KDF1: variants seen among roughly 807,000 people sequenced by gnomAD.
KDF1 encodes keratinocyte differentiation factor 1.
A neutral mutation model predicts 31.6 loss-of-function variants in KDF1; 11 were observed. That is an observed-to-expected ratio of 0.35 (90% CI 0.22 to 0.58). KDF1 has a LOEUF of 0.58. Ranked by LOEUF, KDF1 falls within the 20% of genes least tolerant of loss-of-function variation. KDF1 has a pLI of 0.83. For missense variants in KDF1, 476 were observed against 549.1 expected, an observed-to-expected ratio of 0.87 and a Z score of 1.33; for synonymous variants, 205 against 214.4, an observed-to-expected ratio of 0.96 and a Z score of 0.38.
chr1:26,959,614 G>C (rs981155283), intron 1 of KDF1, among the ~76,000 whole-genome samples: 6 of 151,962 alleles, frequency 3.9e-5, no homozygotes, highest in African/African-American at 1.4e-4. Context: ...GGGGTCAGAG[G>C]GTCCCGGCCC....
At chr1:26,958,745 C>T (rs1170522338) in intron 1 of KDF1, among the ~76,000 whole-genome samples, 1 of 152,222 alleles carries the variant, frequency 6.6e-6, no homozygotes, top group African/African-American at 2.4e-5. Flanking sequence ...AAGCTGCCAG[C>T]TCCATGGACC....
chr1:26,950,650 C>T lies in KDF1; in HGVS notation c.1114+32G>A, dbSNP rs1453308248. ...AGGGGCCCCTAGGGTAGTCCCCCAC[C>T]CTCCACACCCCTCATTAGGTCAAGA... is the stretch of plus-strand genomic sequence containing the variant. On this transcript the variant is annotated intron_variant, in intron 3 of 3. Coordinates refer to ENST00000320567, the MANE Select transcript of KDF1 (RefSeq NM_152365.3). This position sits in a 1 kb window ranked among gnomAD's most constrained non-coding sequence, Gnocchi z 4.0. 6.3e-6 allele frequency: 10 copies of T among 1,595,292 alleles called. No homozygotes were observed. The highest frequency in any genetic ancestry group is 8.6e-6 in the Non-Finnish European group (10 of 1,163,368).
rs1418605992 is a variant in KDF1 at position 26,949,782 on chromosome 1, A to G, written c.*287T>C. 5 of 363,508 alleles carry G rather than the reference A, an allele frequency of 1.4e-5. No individual in the cohort carries two copies. Among genetic ancestry groups the G allele is most frequent in the African/African-American group, 4.2e-5 (2 of 47,738 alleles). The allele number at this position is 363,508 out of a possible 1,614,324, so 22.5% of individuals were successfully genotyped here. A position where few individuals can be genotyped will look rare whatever the true frequency, so the allele number is the denominator to read the frequency against. On this transcript the variant is annotated 3_prime_UTR_variant, in exon 4 of 4. Transcript: ENST00000320567. The stretch of plus-strand genomic sequence containing the variant: ...GGATGGAGTCAGGGTTCACTCCCAG[A>G]AGGTAATGCCTAACTCCTTACTTTC...
chr1:26,950,769 C>A lies in KDF1; in HGVS notation c.1040-13G>T. 6.2e-7 allele frequency: 1 copy of A among 1,613,144 alleles called. No homozygotes were observed. The highest frequency in any genetic ancestry group is 1.1e-5 in the South Asian group (1 of 91,064). ...TGCACTGTCAGCTCTAGGGAGGGAA[C>A]GTGAGGCAAGCAGTGGTCATTAGCA... On this transcript the variant is annotated splice_polypyrimidine_tract_variant and intron_variant, in intron 2 of 3. Transcript: ENST00000320567. The surrounding 1 kb of genome is among the most constrained non-coding windows in gnomAD (Gnocchi z 4.0).
intron 1 of KDF1, among the ~76,000 whole-genome samples, chr1:26,955,339 C>T (rs887349434): frequency 6.6e-6 from 1 of 152,090 alleles, no homozygotes; most frequent in Non-Finnish European, 1.5e-5. Flanking sequence ...ATACCTTTTT[C>T]CCTCTCCTGG....
chr1:26,951,483 C>A lies in KDF1; in HGVS notation c.898G>T (p.Gly300Cys). The change falls in exon 2 of 4, where the codon GGC becomes TGC. Residue 300 changes from glycine to cysteine, a missense_variant. Transcript: ENST00000320567. This position sits in a 1 kb window ranked among gnomAD's most constrained non-coding sequence, Gnocchi z 5.4. ...EQDAEGRLVR[G>C]IIRISTRKSR... ...TTTCGGGTACTAATGCGAATGATGCCGCGTACCAGGCGGCCCTCAGCATCC... is the reference window on the plus strand; with the variant it reads ...TTTCGGGTACTAATGCGAATGATGCAGCGTACCAGGCGGCCCTCAGCATCC... 1.2e-6 allele frequency: 2 copies of A among 1,613,744 alleles called. No individual in the cohort carries two copies. The highest frequency in any genetic ancestry group is 1.7e-6 in the Non-Finnish European group (2 of 1,179,754).
At position 26,951,421 on chromosome 1, in the gene KDF1, T is replaced by C. The variant is rs1354581011; in HGVS notation, c.960A>G (p.Ser320=). 7 of 1,612,074 alleles carry C rather than the reference T, an allele frequency of 4.3e-6. No homozygotes were observed. The highest frequency in any genetic ancestry group is 5.9e-6 in the Non-Finnish European group (7 of 1,178,938). ...RARPQTSEGR[S]TRAAAPTAAA... is the part of the protein sequence containing the mutation. ...CAGCGGTTGGGGCAGCAGCCCGAGTTGAACGACCCTCCGAGGTCTGTGGGC... is the reference window on the plus strand; with the variant it reads ...CAGCGGTTGGGGCAGCAGCCCGAGTCGAACGACCCTCCGAGGTCTGTGGGC... Residue 320 remains serine, a synonymous_variant, in exon 2 of 4, where the codon TCA becomes TCG. Transcript: ENST00000320567. The surrounding 1 kb of genome is among the most constrained non-coding windows in gnomAD (Gnocchi z 5.4).
intron 1 of KDF1, among the ~76,000 whole-genome samples, chr1:26,957,182 G>A (rs978331875): frequency 6.6e-6 from 1 of 152,108 alleles, no homozygotes. Flanking sequence ...GTGATCTCCT[G>A]CCCTGGCCTC....
chr1:26,952,016 G>A lies in KDF1; in HGVS notation c.365C>T (p.Thr122Ile). ...CLSTEDSTEGTAEANWAKEHN... is the reference protein window; with the variant it reads ...CLSTEDSTEGIAEANWAKEHN... ...CTCCTTGGCCCAGTTGGCTTCAGCA[G>A]TCCCCTCAGTGGAGTCCTCAGTAGA... is the stretch of plus-strand genomic sequence containing the variant. The change falls in exon 2 of 4, where the codon ACT becomes ATT. Residue 122 changes from threonine (T) to isoleucine (I), a missense_variant. Physicochemically the swap from Thr to Ile is moderately conservative, Grantham distance 89. Transcript: ENST00000320567. This position sits in a 1 kb window ranked among gnomAD's most constrained non-coding sequence, Gnocchi z 4.1. The A allele has an allele frequency of 1.2e-6, 2 of 1,613,206 alleles. No homozygotes were observed. The highest frequency in any genetic ancestry group is 2.2e-5 in the South Asian group (2 of 91,068).
rs959887827 is a variant in KDF1 at position 26,950,915 on chromosome 1, G to A, written c.1040-159C>T. Among the ~76,000 whole-genome samples, 5 of 152,208 alleles carry A rather than the reference G, an allele frequency of 3.3e-5. No homozygotes were observed. Among genetic ancestry groups the A allele is most frequent in the South Asian group, 2.1e-4 (1 of 4,828 alleles). ...AGAGACATAGACAACGTGTGCATGC[G>A]CAGAGTGATGGATGAGTGGGAGTTT... On this transcript the variant is annotated intron_variant, in intron 2 of 3. Coordinates refer to ENST00000320567, the MANE Select transcript of KDF1 (RefSeq NM_152365.3). This position sits in a 1 kb window ranked among gnomAD's most constrained non-coding sequence, Gnocchi z 4.0.
intron 1 of KDF1, among the ~76,000 whole-genome samples, chr1:26,954,200 AAT>A: frequency 6.6e-6 from 1 of 151,870 alleles, no homozygotes; most frequent in East Asian, 1.9e-4. Context: ...ATGATGCTTA[AAT>A]ATGGGAATGA....
rs749842745 is a variant in KDF1 at position 26,952,037 on chromosome 1, G to A, written c.344C>T (p.Thr115Ile). Residue 115 changes from threonine to isoleucine, a missense_variant, in exon 2 of 4, where the codon ACT becomes ATT. By Grantham distance (89) the Thr-to-Ile change is moderately conservative. Transcript: ENST00000320567. This position sits in a 1 kb window ranked among gnomAD's most constrained non-coding sequence, Gnocchi z 4.1. The stretch of plus-strand genomic sequence containing the variant: ...AGCAGTCCCCTCAGTGGAGTCCTCA[G>A]TAGACAGGCAGGGGCTGCATCCCCG... ...CVRGCSPCLSTEDSTEGTAEA... is the reference protein window; with the variant it reads ...CVRGCSPCLSIEDSTEGTAEA... The A allele has an allele frequency of 1.9e-6, 3 of 1,613,394 alleles. No homozygotes were observed. The highest frequency in any genetic ancestry group is 2.5e-6 in the Non-Finnish European group (3 of 1,179,910).
rs2082359225 is a variant in KDF1 at position 26,952,842 on chromosome 1, G to C, written c.-32-430C>G. ...CTAAAAATACAAAAAAAATTAGCCA[G>C]GTATAGTGGTGGGTGCCTGTAATCC... On this transcript the variant is annotated intron_variant, in intron 1 of 3. Coordinates refer to ENST00000320567, the MANE Select transcript of KDF1 (RefSeq NM_152365.3). The surrounding 1 kb of genome is among the most constrained non-coding windows in gnomAD (Gnocchi z 4.1). 6.6e-6 allele frequency among the ~76,000 whole-genome samples: 1 copy of C among 152,044 alleles called. No homozygotes were observed. Among genetic ancestry groups the C allele is most frequent in the African/African-American group, 2.4e-5 (1 of 41,408 alleles).
Position 26,949,598 on chromosome 1 carries a change from T to TA in KDF1, c.*470dup, listed in dbSNP as rs1170613756. 6.0e-6 allele frequency: 1 copy of TA among 166,512 alleles called. No homozygotes were observed. Among genetic ancestry groups the TA allele is most frequent in the African/African-American group, 2.4e-5 (1 of 41,622 alleles). The allele number at this position is 166,512 out of a possible 1,614,324, so 10.3% of individuals were successfully genotyped here. A position where few individuals can be genotyped will look rare whatever the true frequency, so the allele number is the denominator to read the frequency against. ...CTTACAAACTGTGGTCATGTTAAGATACAGAACATCAGCCAAGAACCAGAA... is the reference window on the plus strand; with the variant it reads ...CTTACAAACTGTGGTCATGTTAAGATAACAGAACATCAGCCAAGAACCAGAA... On this transcript the variant is annotated 3_prime_UTR_variant, in exon 4 of 4. Transcript: ENST00000320567.
chr1:26,958,718 G>C (rs549771866), intron 1 of KDF1, among the ~76,000 whole-genome samples: 7 of 152,276 alleles, frequency 4.6e-5, no homozygotes, highest in African/African-American at 1.7e-4. Flanking sequence ...TATTACTTGG[G>C]AGAAAAGAGG....
intron 1 of KDF1, among the ~76,000 whole-genome samples, chr1:26,953,901 G>A (rs1435709473): frequency 1.3e-5 from 2 of 151,212 alleles, no homozygotes; most frequent in Non-Finnish European, 2.9e-5. Flanking sequence ...GTTGCAGTGA[G>A]CTGAGATCGT....
Position 26,952,459 on chromosome 1 carries a change from C to G in KDF1, c.-32-47G>C. ...AGGAGTCAGGATCAGAGGTGAGGGA[C>G]AAACTCCTGGGCTGACTTGAGCAGC... On this transcript the variant is annotated intron_variant, in intron 1 of 3. Transcript: ENST00000320567. This position sits in a 1 kb window ranked among gnomAD's most constrained non-coding sequence, Gnocchi z 4.1. The G allele has an allele frequency of 7.5e-7, 1 of 1,336,266 alleles. No individual in the cohort carries two copies. The highest frequency in any genetic ancestry group is 1.0e-6 in the Non-Finnish European group (1 of 992,618). The allele number at this position is 1,336,266 out of a possible 1,614,324, so 82.8% of individuals were successfully genotyped here.
At chr1:26,954,883 G>C (rs2082370017) in intron 1 of KDF1, among the ~76,000 whole-genome samples, 1 of 145,810 alleles carries the variant, frequency 6.9e-6, no homozygotes, top group Admixed American at 6.8e-5. Flanking sequence ...TTTTGAGATG[G>C]AGTCTCGCTC....
rs1262526136 is a variant in KDF1 at position 26,951,046 on chromosome 1, G to C, written c.1040-290C>G. Reference sequence around the variant, plus strand: ...TCTGGCAGGAGACAGCAGAGGAGAGGAGCCTTTTGGGTAAACTTGTTGAAT... The same window carrying C: ...TCTGGCAGGAGACAGCAGAGGAGAGCAGCCTTTTGGGTAAACTTGTTGAAT... On this transcript the variant is annotated intron_variant, in intron 2 of 3. Coordinates refer to ENST00000320567, the MANE Select transcript of KDF1 (RefSeq NM_152365.3). This position sits in a 1 kb window ranked among gnomAD's most constrained non-coding sequence, Gnocchi z 5.4. 6.6e-6 allele frequency among the ~76,000 whole-genome samples: 1 copy of C among 152,142 alleles called. No individual in the cohort carries two copies. Among genetic ancestry groups the C allele is most frequent in the Non-Finnish European group, 1.5e-5 (1 of 68,016 alleles).
Sources: gnomAD v4.1 joint callset for allele counts (sites outside exome capture counted in the v4.1 genomes callset) on GRCh38, gnomAD v4.1.1 for gene constraint, Gnocchi (gnomAD v3.1) non-coding constraint, MANE v1.5 for transcripts, NCBI Gene and HGNC (gene_info 2026-07-23, HGNC 2026-07-21) for gene names.